MOCOS: variants seen among roughly 807,000 people sequenced by gnomAD.
The protein encoded by MOCOS is human molybdenum cofactor sulfurase.
In MOCOS, 86 loss-of-function variants were observed where a neutral mutation model predicts 83.6. The ratio of observed to expected loss-of-function variants is 1.03; its 90% CI spans 0.86 to 1.23. MOCOS has a LOEUF of 1.23. MOCOS is among the 50% of genes most tolerant of loss of function. The pLI, the probability that MOCOS is intolerant of heterozygous loss-of-function variation, is 0.00. For missense variants in MOCOS, 1,120 were observed against 1,126.9 expected (o/e 0.99, Z 0.09); for synonymous variants, 445 against 434.7 (o/e 1.02, Z -0.29).
chr18:36,231,781 G>C (rs2091538537), intron 9 of MOCOS, among the ~76,000 whole-genome samples: 1 of 152,180 alleles, frequency 6.6e-6, no homozygotes, highest in African/African-American at 2.4e-5. Context: ...ATAATTTACA[G>C]AGTGTCCCTG....
At chr18:36,201,710 CAT>C (rs940936701) in intron 4 of MOCOS, among the ~76,000 whole-genome samples, 33 of 119,226 alleles carry the variant, frequency 2.8e-4, no homozygotes, top group African/African-American at 9.9e-4. Context: ...TTAGAGCTAA[CAT>C]GGGTGAAGTA....
rs57022462 is a variant in MOCOS at position 36,270,981 on chromosome 18, AT to A, written c.*2306del. 0.77 allele frequency: 116,533 copies of A among 150,370 alleles called. 45,405 individuals carry two copies. Among genetic ancestry groups the A allele is most frequent in the African/African-American group, 0.84 (34,334 of 40,978 alleles). The allele number at this position is 150,370 out of a possible 1,614,324, so 9.3% of individuals were successfully genotyped here. ...AGGCACACATCACCACATCCAGCTA[AT>A]TTTTTTTTTCTTTTTTTTCTTTTTG... On this transcript the variant is annotated 3_prime_UTR_variant, in exon 15 of 15. Transcript: ENST00000261326.
At chr18:36,256,050 G>A (rs193273460) in intron 11 of MOCOS, among the ~76,000 whole-genome samples, 66 of 151,626 alleles carry the variant, frequency 4.4e-4, no homozygotes, top group Admixed American at 1.4e-3. Flanking sequence ...GTGGCACTGC[G>A]CCCAGCTAAT....
intron 9 of MOCOS, among the ~76,000 whole-genome samples, chr18:36,226,752 T>G (rs1453110992): frequency 6.6e-6 from 1 of 151,138 alleles, no homozygotes; most frequent in Non-Finnish European, 1.5e-5. Context: ...GAGGCTTACA[T>G]AAAATATCTT....
rs1385516261 is a variant in MOCOS, at chr18:36,257,000, C to G, written c.2197C>G (p.Leu733Val). The stretch of plus-strand genomic sequence containing the variant: ...TCCTGGTACAATGGCCACCCTTTCT[C>G]TGGTGAATGAGGCACAGTATCTGCT... The part of the protein sequence containing the change: ...QLPGTMATLS[L>V]VNEAQYLLIN... Residue 733 changes from leucine (L) to valine (V), a missense_variant, in exon 12 of 15, where the codon CTG becomes GTG. Transcript: ENST00000261326. 1 of 1,614,052 alleles carries G rather than the reference C, an allele frequency of 6.2e-7. No homozygotes were observed. The highest frequency in any genetic ancestry group is 8.5e-7 in the Non-Finnish European group (1 of 1,180,016).
At chr18:36,195,529 T>C (rs1308690484) in intron 2 of MOCOS, among the ~76,000 whole-genome samples, 183 bp downstream of exon 2, 1 of 152,092 alleles carries the variant, frequency 6.6e-6, no homozygotes, top group Admixed American at 6.5e-5. Context: ...GTGGCCGGGA[T>C]GGAGGGAGCT....
In MOCOS at chr18:36,203,226, T is replaced by C. The variant is rs376426967; in HGVS notation, c.1018+37T>C. On this transcript the variant is annotated intron_variant, in intron 5 of 14. Transcript: ENST00000261326. ...TTTCTATCCCTGTGGAATTTGCTCC[T>C]GTTGTGTCCTTGAGGGAGCTCTGGC... The C allele has an allele frequency of 2.3e-4, 370 of 1,585,040 alleles. No homozygotes were observed. In the African/African-American group the frequency reaches 4.4e-3, roughly 19 times the overall value.
At chr18:36,257,981 C>A (rs532209520) in intron 12 of MOCOS, among the ~76,000 whole-genome samples, 5 of 152,188 alleles carry the variant, frequency 3.3e-5, no homozygotes, top group Non-Finnish European at 5.9e-5. Context: ...TATACAACAT[C>A]ATTCTCATAC....
At chr18:36,243,926 A>G (rs904542637) in intron 9 of MOCOS, among the ~76,000 whole-genome samples, 4 of 152,068 alleles carry the variant, frequency 2.6e-5, no homozygotes, top group Non-Finnish European at 4.4e-5. Flanking sequence ...AGTTGCCTTG[A>G]ATGATCTTTT....
Position 36,216,999 on chromosome 18 carries a change from T to A in MOCOS, c.1797+1022T>A, listed in dbSNP as rs74845188. The stretch of plus-strand genomic sequence containing the variant: ...GAGACATTTAGCAAGGTAGCTGGAC[T>A]CTACTTCTCAAAAATATCATGGTTG... On this transcript the variant is annotated intron_variant, in intron 8 of 14. Coordinates refer to ENST00000261326, the MANE Select transcript of MOCOS (RefSeq NM_017947.4). 5.6e-3 allele frequency among the ~76,000 whole-genome samples: 853 copies of A among 152,316 alleles called. 4 individuals are homozygous for A. Among genetic ancestry groups the A allele is most frequent in the African/African-American group, 0.019 (790 of 41,564 alleles).
At chr18:36,253,765 A>C (rs1160912949) in intron 11 of MOCOS, among the ~76,000 whole-genome samples, 1 of 151,934 alleles carries the variant, frequency 6.6e-6, no homozygotes, top group Non-Finnish European at 1.5e-5. Context: ...GGCTCAGAGA[A>C]GGGTTTAGAG....
At chr18:36,204,271 T>A (rs921917673) in intron 5 of MOCOS, among the ~76,000 whole-genome samples, 2 of 152,176 alleles carry the variant, frequency 1.3e-5, no homozygotes, top group Non-Finnish European at 1.5e-5. Flanking sequence ...ACTACTTTTT[T>A]TTCTCTGTGG....
chr18:36,254,296 T>C (rs769574513), intron 11 of MOCOS, among the ~76,000 whole-genome samples: 14 of 152,208 alleles, frequency 9.2e-5, no homozygotes, highest in African/African-American at 1.4e-4. Flanking sequence ...TTTAAACAGC[T>C]ACAAAGGATG....
At chr18:36,259,957 G>T in intron 12 of MOCOS, 80 bp from the exon 13 acceptor site, 2 of 1,572,824 alleles carry the variant, frequency 1.3e-6, no homozygotes, top group Non-Finnish European at 8.7e-7. Flanking sequence ...GGTGTTACAT[G>T]GCAGGCATGA....
chr18:36,203,016 A>T, intron 4 of MOCOS, 97 bp from the exon 5 acceptor site: 1 of 1,208,798 alleles, frequency 8.3e-7, no homozygotes, highest in Non-Finnish European at 1.2e-6. Flanking sequence ...CCACATCAAC[A>T]GCTAAGCCTA....
intron 1 of MOCOS, 143 bp downstream of exon 1, chr18:36,187,824 C>T: frequency 1.1e-6 from 1 of 949,370 alleles, no homozygotes; most frequent in South Asian, 5.6e-5. Flanking sequence ...ACGCGTCCTC[C>T]TAGTAGACAC....
chr18:36,194,970 A>G (rs1422354707), intron 1 of MOCOS, among the ~76,000 whole-genome samples: 1 of 152,198 alleles, frequency 6.6e-6, no homozygotes, highest in Non-Finnish European at 1.5e-5. Context: ...ATCATTCATC[A>G]CGAATGTCTG....
chr18:36,255,080 T>G (rs1173983104), intron 11 of MOCOS, among the ~76,000 whole-genome samples: 9 of 152,112 alleles, frequency 5.9e-5, no homozygotes. Flanking sequence ...ATTATAACTT[T>G]TGAAAAATAA....
chr18:36,231,448 G>C (rs1192233726), intron 9 of MOCOS, among the ~76,000 whole-genome samples: 1 of 152,178 alleles, frequency 6.6e-6, no homozygotes, highest in African/African-American at 2.4e-5. Context: ...ATTTTGAACT[G>C]TTACCTATGC....
Sources: allele counts gnomAD v4.1 joint callset (sites outside exome capture counted in the v4.1 genomes callset), GRCh38; gene constraint gnomAD v4.1.1; transcripts MANE v1.5; gene names NCBI Gene and HGNC (gene_info 2026-07-23, HGNC 2026-07-21).